Variants in STAT5B observed in about 807,000 individuals in gnomAD.
STAT5B encodes signal transducer and activator of transcription 5B.
STAT5B carries 21 observed loss-of-function variants against 107.8 expected under a neutral mutation model. The ratio of observed to expected loss-of-function variants is 0.19; its 90% CI spans 0.14 to 0.28. The LOEUF is 0.28. STAT5B is among the 10% of genes least tolerant of loss of function. STAT5B has a pLI of 1.00. For synonymous variants in STAT5B, 325 were observed against 401.7 expected, an observed-to-expected ratio of 0.81 and a Z score of 2.28; for missense variants, 565 against 1,008.2, an observed-to-expected ratio of 0.56 and a Z score of 5.95.
intron 3 of STAT5B, among the ~76,000 whole-genome samples, chr17:42,225,399 G>C (rs1288877272): frequency 6.6e-6 from 1 of 152,138 alleles, no homozygotes; most frequent in Non-Finnish European, 1.5e-5. Flanking sequence ...AGTTTTAAAA[G>C]CCTCGCAAGA....
chr17:42,217,433 A>G lies in STAT5B; in HGVS notation c.1201T>C (p.Cys401Arg). The change falls in exon 10 of 19, where the codon TGC becomes CGC. Residue 401 changes from cysteine to arginine, a missense_variant. By Grantham distance (180) the Cys-to-Arg change is radical. Coordinates refer to ENST00000293328, the MANE Select transcript of STAT5B (RefSeq NM_012448.4). ...DYSGEILNNC[C>R]VMEYHQATGT... The stretch of plus-strand genomic sequence containing the variant: ...GTGGCTTGGTGGTACTCCATGACGC[A>G]GCAGTTGTTCAAGATCTCGCCACTG... The G allele has an allele frequency of 1.2e-6, 2 of 1,614,232 alleles. No individual in the cohort carries two copies. Among genetic ancestry groups the G allele is most frequent in the Non-Finnish European group, 1.7e-6 (2 of 1,180,044 alleles).
At chr17:42,263,719 G>T (rs1300637258) in intron 1 of STAT5B, among the ~76,000 whole-genome samples, 1 of 151,996 alleles carries the variant, frequency 6.6e-6, no homozygotes, top group Non-Finnish European at 1.5e-5. Context: ...TAGAGATAGG[G>T]TCTTGCTATG....
chr17:42,279,467 G>A (rs1371820843), upstream of STAT5B, among the ~76,000 whole-genome samples: 1 of 152,180 alleles, frequency 6.6e-6, no homozygotes, highest in African/African-American at 2.4e-5. Flanking sequence ...CAGCTGGTTT[G>A]TGGCAGCCAC....
intron 2 of STAT5B, among the ~76,000 whole-genome samples, chr17:42,228,165 C>A (rs2080289664): frequency 6.6e-6 from 1 of 152,134 alleles, no homozygotes; most frequent in Non-Finnish European, 1.5e-5. Context: ...ACAGGTGAAA[C>A]AAGTTATTGC....
intron 1 of STAT5B, among the ~76,000 whole-genome samples, chr17:42,238,451 CTTTTTTTTT>C (rs75642417): frequency 4.0e-5 from 5 of 124,848 alleles, no homozygotes; most frequent in Non-Finnish European, 8.4e-5. Context: ...TGTGCCTGGC[CTTTTTTTTT>C]TTTTTTTTTT....
At chr17:42,244,519 C>A (rs1023182643) in intron 1 of STAT5B, among the ~76,000 whole-genome samples, 2 of 152,122 alleles carry the variant, frequency 1.3e-5, no homozygotes, top group Non-Finnish European at 2.9e-5. Context: ...CTACAATACC[C>A]TGTTTCTATA....
chr17:42,248,873 C>T (rs2080475231), intron 1 of STAT5B, among the ~76,000 whole-genome samples: 1 of 152,200 alleles, frequency 6.6e-6, no homozygotes, highest in African/African-American at 2.4e-5. Context: ...TACGCAATAG[C>T]ATTTAGTTTC....
chr17:42,217,526 A>G, intron 9 of STAT5B, 62 bp from the exon 10 acceptor site: 1 of 1,587,576 alleles, frequency 6.3e-7, no homozygotes, highest in Non-Finnish European at 8.6e-7. Context: ...TGCGGAGTAA[A>G]TAATATAATT....
chr17:42,232,735 G>A lies in STAT5B; in HGVS notation c.-10-598C>T, dbSNP rs552208357. On this transcript the variant is annotated intron_variant, in intron 1 of 18. Coordinates refer to ENST00000293328, the MANE Select transcript of STAT5B (RefSeq NM_012448.4). ...AGCAAAAGTACAAAAGGAGAATTAG[G>A]GAAAGAATTGCTAACTTTGACATCG... 2.0e-5 allele frequency among the ~76,000 whole-genome samples: 3 copies of A among 152,094 alleles called. No individual in the cohort carries two copies. In the South Asian group the frequency reaches 6.2e-4, roughly 32 times the overall value.
intron 1 of STAT5B, among the ~76,000 whole-genome samples, chr17:42,267,804 C>T (rs976889772): frequency 3.3e-5 from 5 of 151,570 alleles, no homozygotes; most frequent in Admixed American, 6.6e-5. Context: ...ACTAAAAATA[C>T]AAAAATTAGC....
intron 1 of STAT5B, among the ~76,000 whole-genome samples, chr17:42,235,628 C>T (rs1280227118): frequency 6.6e-6 from 1 of 152,104 alleles, no homozygotes. Context: ...CAGGCACACA[C>T]CGCCACGCCC....
At chr17:42,251,588 T>C (rs2080500209) in intron 1 of STAT5B, among the ~76,000 whole-genome samples, 1 of 152,052 alleles carries the variant, frequency 6.6e-6, no homozygotes, top group Non-Finnish European at 1.5e-5. Flanking sequence ...GCCATCTGGA[T>C]ACCTGTTCAC....
At position 42,201,420 on chromosome 17, in the gene STAT5B, CT is replaced by C; in HGVS notation, c.*317del. 1 of 597,086 alleles carries C rather than the reference CT, an allele frequency of 1.7e-6. No homozygotes were observed. The highest frequency in any genetic ancestry group is 3.0e-6 in the Non-Finnish European group (1 of 335,084). The allele number at this position is 597,086 out of a possible 1,614,324, so 37.0% of individuals were successfully genotyped here. A position where few individuals can be genotyped will look rare whatever the true frequency, so the allele number is the denominator to read the frequency against. On this transcript the variant is annotated 3_prime_UTR_variant, in exon 19 of 19. Coordinates refer to ENST00000293328, the MANE Select transcript of STAT5B (RefSeq NM_012448.4). ...TTCCAGGCTTCACGAAACTCACTGC[CT>C]TTTTGCACAAAGTAAAAACCACCAC...
intron 1 of STAT5B, among the ~76,000 whole-genome samples, chr17:42,255,272 G>A (rs1350948072): frequency 6.6e-6 from 1 of 152,130 alleles, no homozygotes; most frequent in African/African-American, 2.4e-5. Context: ...TATGAAACAT[G>A]GAGAAAGACT....
Position 42,211,989 on chromosome 17 carries a change from T to C in STAT5B, c.1675A>G (p.Asn559Asp). The change falls in exon 13 of 19, where the codon AAC (asparagine) becomes GAC (aspartate). Residue 559 changes from asparagine to aspartate, a missense_variant. Asn to Asp is a conservative substitution (Grantham distance 23). This residue lies in a region of STAT5B where 127 missense variants were observed against 215.8 expected (regional missense o/e 0.59). Coordinates refer to ENST00000293328, the MANE Select transcript of STAT5B (RefSeq NM_012448.4). ...SGLSVSWSQF[N>D]RENLPGRNYT... ...CTGGCAGCTGGGCTCCTCACCCTGT[T>C]GAACTGGGACCAGGACACAGACAGG... The C allele has an allele frequency of 6.2e-7, 1 of 1,611,586 alleles. No homozygotes were observed. Among genetic ancestry groups the C allele is most frequent in the Non-Finnish European group, 8.5e-7 (1 of 1,178,948 alleles).
In STAT5B at chr17:42,217,240, A is replaced by C. The variant is rs1310248568; in HGVS notation, c.1300T>G (p.Ser434Ala). 1.9e-6 allele frequency: 3 copies of C among 1,613,962 alleles called. No individual in the cohort carries two copies. Among genetic ancestry groups the C allele is most frequent in the Non-Finnish European group, 2.5e-6 (3 of 1,180,020 alleles). ...IKRSDRRGAE[S>A]VTEEKFTILF... ...ATTGTAAATTTTTCTTCTGTCACCGACTCTGCCCCACGACGGTCTGACCTC... is the reference window on the plus strand; with the variant it reads ...ATTGTAAATTTTTCTTCTGTCACCGCCTCTGCCCCACGACGGTCTGACCTC... Residue 434 changes from serine (S) to alanine (A), a missense_variant, in exon 11 of 19, where the codon TCG becomes GCG. Coordinates refer to ENST00000293328, the MANE Select transcript of STAT5B (RefSeq NM_012448.4).
At chr17:42,255,040 G>A (rs549600672) in intron 1 of STAT5B, among the ~76,000 whole-genome samples, 8 of 152,148 alleles carry the variant, frequency 5.3e-5, no homozygotes, top group East Asian at 3.9e-4. Context: ...GCAGGGAGCC[G>A]AGATCGTGCC....
At chr17:42,226,765 G>A (rs531113538) in intron 3 of STAT5B, among the ~76,000 whole-genome samples, 3 of 125,460 alleles carry the variant, frequency 2.4e-5, no homozygotes, top group Non-Finnish European at 4.9e-5. Context: ...CCGAGACCGC[G>A]CCACTGCACT....
intron 1 of STAT5B, among the ~76,000 whole-genome samples, chr17:42,253,728 A>T (rs758460768): frequency 3.3e-5 from 5 of 151,800 alleles, no homozygotes; most frequent in Non-Finnish European, 5.9e-5. Flanking sequence ...CAGACTGGAG[A>T]GCAGTGGCAT....
Sources: gnomAD v4.1 joint callset for allele counts (sites outside exome capture counted in the v4.1 genomes callset) on GRCh38, gnomAD v4.1.1 for gene constraint, gnomAD v4.1.1 regional missense constraint, MANE v1.5 for transcripts, NCBI Gene and HGNC (gene_info 2026-07-23, HGNC 2026-07-21) for gene names.